The following TRABD2B variants were observed in gnomAD, a reference collection of about 807,000 sequenced individuals.
TRABD2B encodes the protein metalloprotease TIKI2.
In TRABD2B, 14 loss-of-function variants were observed where a neutral mutation model predicts 40.1. The ratio of observed to expected loss-of-function variants is 0.35; its 90% CI spans 0.23 to 0.55. The LOEUF is 0.55. Ranked by LOEUF, TRABD2B falls within the 20% of genes least tolerant of loss-of-function variation. TRABD2B has a pLI of 0.90. For missense variants in TRABD2B, 541 were observed against 648.6 expected (o/e 0.83, Z 1.80); for synonymous variants, 263 against 277.0 (o/e 0.95, Z 0.50).
chr1:47,876,004 A>C (rs2124608603), intron 2 of TRABD2B, among the ~76,000 whole-genome samples: 1 of 152,342 alleles, frequency 6.6e-6, no homozygotes, highest in Middle Eastern at 3.4e-3. Context: ...ACAGTGTCAC[A>C]AACAAAGCCA....
intron 2 of TRABD2B, among the ~76,000 whole-genome samples, chr1:47,876,394 T>C (rs1315272751): frequency 6.6e-6 from 1 of 152,196 alleles, no homozygotes; most frequent in African/African-American, 2.4e-5. Flanking sequence ...GAACCATAAC[T>C]GTCTCTGACT....
intron 2 of TRABD2B, among the ~76,000 whole-genome samples, chr1:47,902,004 C>T (rs1644606983): frequency 6.6e-6 from 1 of 152,178 alleles, no homozygotes; most frequent in African/African-American, 2.4e-5. Context: ...CCTGATCCCT[C>T]CACCCACTCT....
chr1:47,849,228 G>A (rs528150735), intron 2 of TRABD2B, among the ~76,000 whole-genome samples: 1 of 152,328 alleles, frequency 6.6e-6, no homozygotes. Flanking sequence ...GGCCATTAGG[G>A]TGGGCCCTAA....
chr1:47,762,857 A>T lies in TRABD2B; in HGVS notation c.*3045T>A, dbSNP rs1644258388. 1 of 152,208 alleles carries T rather than the reference A, an allele frequency of 6.6e-6. No homozygotes were observed. The highest frequency in any genetic ancestry group is 1.5e-5 in the Non-Finnish European group (1 of 68,046). The allele number at this position is 152,208 out of a possible 1,614,324, so 9.4% of individuals were successfully genotyped here. On this transcript the variant is annotated 3_prime_UTR_variant, in exon 7 of 7. Transcript: ENST00000606738. ...ACATGGCCATTCCAACATGCCCCAG[A>T]GAGCCCTTCATCACACAGTCAGCTT...
chr1:47,772,900 T>A (rs1395213514), intron 6 of TRABD2B, among the ~76,000 whole-genome samples: 1 of 152,192 alleles, frequency 6.6e-6, no homozygotes, highest in Non-Finnish European at 1.5e-5. Context: ...TCAGATGGAA[T>A]AAAGTTAGCC....
intron 2 of TRABD2B, among the ~76,000 whole-genome samples, chr1:47,806,781 A>G (rs373461325): frequency 1.1e-4 from 17 of 152,348 alleles, no homozygotes; most frequent in African/African-American, 3.4e-4. Flanking sequence ...ACAGTCCTAG[A>G]TGGGCTGGAA....
chr1:47,876,458 T>C (rs747569976), intron 2 of TRABD2B, among the ~76,000 whole-genome samples: 43 of 152,074 alleles, frequency 2.8e-4, no homozygotes, highest in Non-Finnish European at 5.7e-4. Context: ...CTCTGCAGCA[T>C]TAATCATTAA....
chr1:47,774,951 A>C (rs1644423556), intron 6 of TRABD2B, among the ~76,000 whole-genome samples: 1 of 152,112 alleles, frequency 6.6e-6, no homozygotes, highest in Non-Finnish European at 1.5e-5. Context: ...CTATTTCCTC[A>C]CCTTTAAGGT....
In TRABD2B at chr1:47,979,592, C is replaced by T. The variant is rs563791499; in HGVS notation, c.666+14442G>A. Among the ~76,000 whole-genome samples the T allele has an allele frequency of 8.7e-4, 132 of 152,250 alleles. 1 individual carries two copies. Among genetic ancestry groups the T allele is most frequent in the African/African-American group, 3.0e-3 (124 of 41,532 alleles). ...TTCACCGACCAAGGATCCTCCCATC[C>T]CCCACTTCTGCTGGGGCTGGGGCGA... On this transcript the variant is annotated intron_variant, in intron 2 of 6. Coordinates refer to ENST00000606738, the MANE Select transcript of TRABD2B (RefSeq NM_001194986.2).
Position 47,774,055 on chromosome 1 carries a change from T to G in TRABD2B, c.1349+1115A>C, listed in dbSNP as rs376360436. On this transcript the variant is annotated intron_variant, in intron 6 of 6. Coordinates refer to ENST00000606738, the MANE Select transcript of TRABD2B (RefSeq NM_001194986.2). ...TCAGGCCTTGGTTCACCATCTATAATGCACAGTGTAGTCAGGGCTTCCCAC... is the reference window on the plus strand; with the variant it reads ...TCAGGCCTTGGTTCACCATCTATAAGGCACAGTGTAGTCAGGGCTTCCCAC... Among the ~76,000 whole-genome samples, 4 of 152,270 alleles carry G rather than the reference T, an allele frequency of 2.6e-5. No homozygotes were observed. The South Asian group carries it at 8.3e-4, about 32-fold the overall frequency.
chr1:47,928,180 A>G lies in TRABD2B; in HGVS notation c.666+65854T>C, dbSNP rs147139788. Among the ~76,000 whole-genome samples the G allele has an allele frequency of 6.8e-3, 1,031 of 152,310 alleles. 47 individuals are homozygous for G. Among genetic ancestry groups the G allele is most frequent in the Admixed American group, 0.056 (854 of 15,300 alleles). On this transcript the variant is annotated intron_variant, in intron 2 of 6. Coordinates refer to ENST00000606738, the MANE Select transcript of TRABD2B (RefSeq NM_001194986.2). ...AAATAAGTCACTTACAGGAAGCCAC[A>G]CAGTAAATAAGTGGTAGACATGGGC... is the stretch of plus-strand genomic sequence containing the variant.
intron 4 of TRABD2B, among the ~76,000 whole-genome samples, chr1:47,790,460 C>T (rs1315363302): frequency 1.3e-5 from 2 of 152,162 alleles, no homozygotes; most frequent in African/African-American, 4.8e-5. Context: ...ACATTTGCAC[C>T]CCACCTGCCC....
chr1:47,871,007 A>C (rs1644132965), intron 2 of TRABD2B, among the ~76,000 whole-genome samples: 1 of 152,110 alleles, frequency 6.6e-6, no homozygotes, highest in African/African-American at 2.4e-5. Context: ...AAATAATCAT[A>C]ATCAGGGTAA....
intron 2 of TRABD2B, among the ~76,000 whole-genome samples, chr1:47,941,395 T>G (rs1162216382): frequency 2.0e-5 from 3 of 152,154 alleles, no homozygotes; most frequent in Non-Finnish European, 4.4e-5. Context: ...CACACTTGTA[T>G]GCACACACTC....
intron 2 of TRABD2B, among the ~76,000 whole-genome samples, chr1:47,986,188 A>G (rs1645916945): frequency 6.6e-6 from 1 of 152,204 alleles, no homozygotes; most frequent in African/African-American, 2.4e-5. Context: ...AAAAAAACCC[A>G]AAATATCCCA....
chr1:47,803,958 T>G (rs1432107173), intron 2 of TRABD2B, among the ~76,000 whole-genome samples: 1 of 152,154 alleles, frequency 6.6e-6, no homozygotes, highest in Non-Finnish European at 1.5e-5. Flanking sequence ...AGTCACTTGG[T>G]TCAAGAACAC....
chr1:47,824,344 A>G (rs1645148225), intron 2 of TRABD2B, among the ~76,000 whole-genome samples: 1 of 152,152 alleles, frequency 6.6e-6, no homozygotes, highest in Non-Finnish European at 1.5e-5. Flanking sequence ...GTGAGTTACC[A>G]GCGCCCCCTC....
intron 2 of TRABD2B, among the ~76,000 whole-genome samples, chr1:47,887,662 C>A (rs963654230): frequency 1.3e-5 from 2 of 152,106 alleles, no homozygotes; most frequent in Non-Finnish European, 2.9e-5. Flanking sequence ...CCAAGGGCAC[C>A]AAGTGCAAAC....
At chr1:47,940,807 C>G (rs1032397040) in intron 2 of TRABD2B, among the ~76,000 whole-genome samples, 5 of 152,238 alleles carry the variant, frequency 3.3e-5, no homozygotes, top group Non-Finnish European at 5.9e-5. Flanking sequence ...GAAATAAAGG[C>G]AGCAGTGTGG....
Sources: allele counts gnomAD v4.1 joint callset (sites outside exome capture counted in the v4.1 genomes callset), GRCh38; gene constraint gnomAD v4.1.1; transcripts MANE v1.5; gene names NCBI Gene and HGNC (gene_info 2026-07-23, HGNC 2026-07-21).